Variants in DLG2 observed in about 807,000 individuals in gnomAD.
DLG2 encodes discs large MAGUK scaffold protein 2, also known as disks large homolog 2.
A neutral mutation model predicts 132.5 loss-of-function variants in DLG2; 45 were observed. The observed-to-expected ratio is 0.34, with a 90% confidence interval of 0.27 to 0.44. The LOEUF is 0.44. DLG2 is among the 20% of genes least tolerant of loss of function. DLG2 has a pLI of 1.00. For synonymous variants in DLG2, 424 were observed against 419.6 expected (o/e 1.01, Z -0.13); for missense variants, 1,045 against 1,196.9 (o/e 0.87, Z 1.87).
At chr11:84,179,584 G>T (rs1214602675) in intron 8 of DLG2, among the ~76,000 whole-genome samples, 3 of 152,148 alleles carry the variant, frequency 2.0e-5, no homozygotes. Flanking sequence ...ACTGCCTAAA[G>T]CTCTACGAGG....
chr11:85,116,340 G>A (rs2073572185), intron 5 of DLG2, among the ~76,000 whole-genome samples: 1 of 148,748 alleles, frequency 6.7e-6, no homozygotes, highest in South Asian at 2.1e-4. Flanking sequence ...AAAAGTTTGA[G>A]GAAAAACGAC....
At position 84,628,532 on chromosome 11, in the gene DLG2, C is replaced by A. The variant is rs369399614; in HGVS notation, c.358-93801G>T. ...CTACCACGCACTTTTATTATAAGAACTACATAGTTTCCTGAATTTGATGCA... is the reference window on the plus strand; with the variant it reads ...CTACCACGCACTTTTATTATAAGAAATACATAGTTTCCTGAATTTGATGCA... On this transcript the variant is annotated intron_variant, in intron 6 of 27. Coordinates refer to ENST00000376104, the MANE Select transcript of DLG2 (RefSeq NM_001142699.3). Among the ~76,000 whole-genome samples, 4 of 152,304 alleles carry A rather than the reference C, an allele frequency of 2.6e-5. No individual in the cohort carries two copies. The East Asian group carries it at 7.7e-4, about 29-fold the overall frequency.
intron 7 of DLG2, among the ~76,000 whole-genome samples, chr11:84,301,465 G>A (rs2098151812): frequency 6.6e-6 from 1 of 151,810 alleles, no homozygotes; most frequent in Non-Finnish European, 1.5e-5. Flanking sequence ...AGACCATCCT[G>A]GCTAACATGG....
chr11:84,512,030 T>C (rs2099258455), intron 7 of DLG2, among the ~76,000 whole-genome samples: 1 of 152,124 alleles, frequency 6.6e-6, no homozygotes, highest in South Asian at 2.1e-4. Flanking sequence ...TAAACTTAGT[T>C]TTGAATTCCT....
At chr11:85,550,690 T>C (rs1283622712) in intron 3 of DLG2, among the ~76,000 whole-genome samples, 1 of 152,236 alleles carries the variant, frequency 6.6e-6, no homozygotes, top group Non-Finnish European at 1.5e-5. Flanking sequence ...GAACTTTTCC[T>C]AACAAAAGTG....
intron 8 of DLG2, among the ~76,000 whole-genome samples, chr11:84,228,989 A>C (rs1056244278): frequency 1.2e-4 from 19 of 152,308 alleles, no homozygotes; most frequent in African/African-American, 4.3e-4. Context: ...AGGATCAAAT[A>C]AATTATCTAA....
At chr11:84,293,728 A>C (rs767953621) in intron 7 of DLG2, among the ~76,000 whole-genome samples, 5 of 152,144 alleles carry the variant, frequency 3.3e-5, no homozygotes, top group Non-Finnish European at 7.3e-5. Flanking sequence ...GATGGGTAAA[A>C]ACTTCATATA....
chr11:84,732,883 A>T (rs1403378979), intron 6 of DLG2, among the ~76,000 whole-genome samples: 1 of 150,990 alleles, frequency 6.6e-6, no homozygotes, highest in Non-Finnish European at 1.5e-5. Flanking sequence ...GAGTGAGAAC[A>T]TGTGATGTTT....
intron 4 of DLG2, among the ~76,000 whole-genome samples, chr11:85,215,459 T>A (rs1360845527): frequency 6.6e-6 from 1 of 152,198 alleles, no homozygotes; most frequent in Non-Finnish European, 1.5e-5. Flanking sequence ...TATTCCACTT[T>A]GACCTAAGGA....
chr11:85,087,869 A>G (rs2508326), intron 6 of DLG2, among the ~76,000 whole-genome samples: 2 of 148,306 alleles, frequency 1.3e-5, no homozygotes, highest in Non-Finnish European at 3.0e-5. Context: ...AAAAAAAAAA[A>G]CAGATCATGG....
At chr11:84,971,992 A>G (rs1301604285) in intron 6 of DLG2, among the ~76,000 whole-genome samples, 1 of 152,172 alleles carries the variant, frequency 6.6e-6, no homozygotes, top group Non-Finnish European at 1.5e-5. Flanking sequence ...AACACTAAAA[A>G]TAAACCTATG....
chr11:83,670,836 A>C (rs1475751565), intron 18 of DLG2, among the ~76,000 whole-genome samples: 2 of 152,180 alleles, frequency 1.3e-5, no homozygotes, highest in Non-Finnish European at 2.9e-5. Context: ...TGATATTTCC[A>C]ATAATAGTAT....
intron 6 of DLG2, among the ~76,000 whole-genome samples, chr11:84,673,018 T>C (rs1010416598): frequency 1.3e-5 from 2 of 151,814 alleles, no homozygotes; most frequent in Non-Finnish European, 2.9e-5. Flanking sequence ...TAACCAGACT[T>C]AACGAGAACT....
At chr11:84,552,792 T>C (rs1202860854) in intron 6 of DLG2, among the ~76,000 whole-genome samples, 1 of 152,178 alleles carries the variant, frequency 6.6e-6, no homozygotes, top group Non-Finnish European at 1.5e-5. Context: ...CATCAACCAA[T>C]TCTTTTAACT....
chr11:83,939,824 A>T (rs2082258198), intron 14 of DLG2, among the ~76,000 whole-genome samples: 1 of 152,186 alleles, frequency 6.6e-6, no homozygotes, highest in Non-Finnish European at 1.5e-5. Flanking sequence ...CAAACTCTAC[A>T]GGGGGGAACA....
chr11:84,477,277 C>A (rs1567734585), intron 7 of DLG2, among the ~76,000 whole-genome samples: 1 of 151,846 alleles, frequency 6.6e-6, no homozygotes, highest in Non-Finnish European at 1.5e-5. Flanking sequence ...GGTGGATAAC[C>A]TGAGGCCTGG....
intron 7 of DLG2, among the ~76,000 whole-genome samples, chr11:84,318,805 G>T (rs1044538172): frequency 6.6e-6 from 1 of 152,114 alleles, no homozygotes; most frequent in Admixed American, 6.5e-5. Flanking sequence ...GCAGGTTCTG[G>T]TCTATGTTAA....
intron 10 of DLG2, among the ~76,000 whole-genome samples, chr11:84,078,155 A>G (rs956608836): frequency 6.6e-6 from 1 of 152,146 alleles, no homozygotes; most frequent in African/African-American, 2.4e-5. Flanking sequence ...CCATGTTTCC[A>G]TAGATTAATA....
chr11:85,176,857 A>T (rs2079290960), intron 4 of DLG2, among the ~76,000 whole-genome samples: 1 of 152,222 alleles, frequency 6.6e-6, no homozygotes, highest in African/African-American at 2.4e-5. Context: ...ATATGAAAAA[A>T]AGCCCAACAT....
Sources: gnomAD v4.1 joint callset for allele counts (sites outside exome capture counted in the v4.1 genomes callset) on GRCh38, gnomAD v4.1.1 for gene constraint, MANE v1.5 for transcripts, NCBI Gene and HGNC (gene_info 2026-07-23, HGNC 2026-07-21) for gene names.